Variants in HDLBP observed in about 807,000 individuals in gnomAD.
HDLBP encodes the protein vigilin.
HDLBP carries 30 observed loss-of-function variants against 137.3 expected under a neutral mutation model. The observed-to-expected ratio is 0.22, with a 90% CI of 0.16 to 0.30. The LOEUF (loss-of-function observed/expected upper bound fraction) is 0.30. Among genes scored for constraint, HDLBP ranks in the 10% least tolerant of loss-of-function variants. HDLBP has a pLI of 1.00. For synonymous variants in HDLBP, 606 were observed against 596.0 expected (o/e 1.02, Z -0.24); for missense variants, 1,119 against 1,667.3 (o/e 0.67, Z 5.73).
chr2:241,300,065 G>C (rs1024200090), intron 1 of HDLBP, among the ~76,000 whole-genome samples: 2 of 150,650 alleles, frequency 1.3e-5, no homozygotes, highest in Non-Finnish European at 2.9e-5. Flanking sequence ...CTTCATAAAA[G>C]ATTTTTTTTT....
intron 5 of HDLBP, among the ~76,000 whole-genome samples, chr2:241,258,252 C>T (rs967799640): frequency 1.4e-5 from 2 of 147,188 alleles, no homozygotes; most frequent in African/African-American, 2.5e-5. Context: ...GAGGCTGAGG[C>T]AGGCGAATGG....
intron 1 of HDLBP, among the ~76,000 whole-genome samples, chr2:241,314,359 C>G (rs1276799847): frequency 5.9e-5 from 9 of 152,122 alleles, no homozygotes; most frequent in Non-Finnish European, 4.4e-5. Context: ...CTACCAGGAG[C>G]CTTAGACAAA....
chr2:241,306,054 C>A (rs1473918675), intron 1 of HDLBP, among the ~76,000 whole-genome samples: 1 of 151,846 alleles, frequency 6.6e-6, no homozygotes, highest in Non-Finnish European at 1.5e-5. Flanking sequence ...GTCACCGCGC[C>A]CGGCCAAAAA....
chr2:241,238,479 C>A lies in HDLBP; in HGVS notation c.2749+170G>T. 1 of 497,840 alleles carries A rather than the reference C, an allele frequency of 2.0e-6. No homozygotes were observed. Among genetic ancestry groups the A allele is most frequent in the Non-Finnish European group, 3.5e-6 (1 of 287,698 alleles). The allele number at this position is 497,840 out of a possible 1,614,324, so 30.8% of individuals were successfully genotyped here. On this transcript the variant is annotated intron_variant, in intron 20 of 27. Transcript: ENST00000310931. This position sits in a 1 kb window ranked among gnomAD's most constrained non-coding sequence, Gnocchi z 4.9. ...TCACTCTGTCAGTAACTGACGTGGT[C>A]CATCTTTTAAAGGCCAGGGAGTGAC...
At chr2:241,303,147 G>A (rs529736109) in intron 1 of HDLBP, among the ~76,000 whole-genome samples, 2 of 152,330 alleles carry the variant, frequency 1.3e-5, no homozygotes, top group South Asian at 4.1e-4. Context: ...ACTCCAGAAA[G>A]AAACAAGCAG....
In HDLBP at chr2:241,262,734, T is replaced by C. The variant is rs531962779; in HGVS notation, c.427A>G (p.Ile143Val). 8.1e-6 allele frequency: 13 copies of C among 1,613,992 alleles called. No individual in the cohort carries two copies. The South Asian group carries it at 9.9e-5, about 12-fold the overall frequency. ...ACCTGAGTCTGCAGTCTAGCAACAA[T>C]GTCCTTCCGAGCTTTCATGACAGCA... ...LDAVMKARKD[I>V]VARLQTQASA... Residue 143 changes from isoleucine (I) to valine (V), a missense_variant, in exon 5 of 28, where the codon ATT (isoleucine) becomes GTT (valine). By Grantham distance (29) the Ile-to-Val change is conservative (BLOSUM62 3). This residue lies in a region of HDLBP where 425 missense variants were observed against 693.9 expected (regional missense o/e 0.61). Coordinates refer to ENST00000310931, the MANE Select transcript of HDLBP (RefSeq NM_005336.6).
intron 16 of HDLBP, 45 bp downstream of exon 16, chr2:241,246,707 A>G (rs1311813001): frequency 1.3e-6 from 2 of 1,588,842 alleles, no homozygotes; most frequent in Admixed American, 1.7e-5. Context: ...AGAGGCTGTT[A>G]GAGATTTTAC....
intron 5 of HDLBP, among the ~76,000 whole-genome samples, chr2:241,262,169 T>C (rs2073250693): frequency 6.6e-6 from 1 of 152,238 alleles, no homozygotes; most frequent in African/African-American, 2.4e-5. Context: ...TGTAATCTCC[T>C]CAATTTGGGG....
intron 3 of HDLBP, among the ~76,000 whole-genome samples, chr2:241,264,985 A>T (rs776760449): frequency 2.0e-4 from 31 of 152,188 alleles, no homozygotes; most frequent in African/African-American, 2.7e-4. Flanking sequence ...TAACACACTT[A>T]AAAAAATCAC....
intron 2 of HDLBP, chr2:241,267,711 G>T (rs1322070568): frequency 1.3e-6 from 2 of 1,534,946 alleles, no homozygotes; most frequent in African/African-American, 2.7e-5. Flanking sequence ...AGTGGTAGCT[G>T]CGTGACAGGA....
chr2:241,270,815 A>G (rs2073985488), intron 1 of HDLBP, among the ~76,000 whole-genome samples: 2 of 152,166 alleles, frequency 1.3e-5, no homozygotes, highest in African/African-American at 4.8e-5. Context: ...AGGCAACTCC[A>G]CTTGCTATCT....
chr2:241,247,988 G>T lies in HDLBP; in HGVS notation c.1731+15C>A. On this transcript the variant is annotated intron_variant, in intron 14 of 27. Transcript: ENST00000310931. ...CAGGTGCTGTCATACAAGAAAGGAT[G>T]TGAAACACCCCTACCAGATCTGCCA... is the stretch of plus-strand genomic sequence containing the variant. The T allele has an allele frequency of 6.3e-7, 1 of 1,580,822 alleles. No individual in the cohort carries two copies. The highest frequency in any genetic ancestry group is 8.7e-7 in the Non-Finnish European group (1 of 1,149,718).
At chr2:241,274,991 C>CA (rs1320090097) in intron 1 of HDLBP, among the ~76,000 whole-genome samples, 4 of 151,740 alleles carry the variant, frequency 2.6e-5, no homozygotes, top group Admixed American at 2.6e-4. Context: ...ATAGGTAGAT[C>CA]AAAAAAAGAA....
chr2:241,246,371 T>TCCATGGATGTATACATTC (rs1284712812), intron 16 of HDLBP, among the ~76,000 whole-genome samples: 3 of 152,124 alleles, frequency 2.0e-5, no homozygotes. Flanking sequence ...TGGGAATGAT[T>TCCATGGATGTATACATTC]CCATGGATGT....
chr2:241,249,805 C>T, intron 12 of HDLBP, 36 bp downstream of exon 12: 1 of 1,569,244 alleles, frequency 6.4e-7, no homozygotes. Flanking sequence ...GACGCAAGGC[C>T]AGTGCCTTTC....
At chr2:241,289,882 AAAC>A (rs2074952040) in intron 1 of HDLBP, among the ~76,000 whole-genome samples, 8 of 152,162 alleles carry the variant, frequency 5.3e-5, no homozygotes, top group Admixed American at 5.2e-4. Context: ...GATAAAAAGG[AAAC>A]TCCAGCTACT....
rs2072301287 is a variant in HDLBP at position 241,252,820 on chromosome 2, A to T, written c.1372+137T>A. The T allele has an allele frequency of 5.1e-6, 3 of 588,998 alleles. No individual in the cohort carries two copies. In the East Asian group the frequency reaches 8.0e-5, roughly 16 times the overall value. The allele number at this position is 588,998 out of a possible 1,614,324, so 36.5% of individuals were successfully genotyped here. Reference sequence around the variant, plus strand: ...GTGGCCTCTTCCAGCAGGCAGGAGGATGTAAAGTCTGTAACTCCCATTACA... The same window carrying T: ...GTGGCCTCTTCCAGCAGGCAGGAGGTTGTAAAGTCTGTAACTCCCATTACA... On this transcript the variant is annotated intron_variant, in intron 11 of 27. Transcript: ENST00000310931.
intron 1 of HDLBP, among the ~76,000 whole-genome samples, chr2:241,280,643 A>T (rs2074562044): frequency 6.6e-6 from 1 of 152,242 alleles, no homozygotes; most frequent in Non-Finnish European, 1.5e-5. Context: ...GGCACCTATA[A>T]TGAGAACAAA....
chr2:241,251,382 G>A (rs1409375351), intron 11 of HDLBP, among the ~76,000 whole-genome samples: 2 of 152,214 alleles, frequency 1.3e-5, no homozygotes, highest in African/African-American at 2.4e-5. Context: ...TCGCTGTCAC[G>A]TAAAATGCCC....
Sources: gnomAD v4.1 joint callset for allele counts (sites outside exome capture counted in the v4.1 genomes callset) on GRCh38, gnomAD v4.1.1 for gene constraint, gnomAD v4.1.1 regional missense constraint, Gnocchi (gnomAD v3.1) non-coding constraint, MANE v1.5 for transcripts, NCBI Gene and HGNC (gene_info 2026-07-23, HGNC 2026-07-21) for gene names.